Variants in ALK observed in about 807,000 individuals in gnomAD.
ALK encodes the protein ALK tyrosine kinase receptor.
Under a neutral mutation model 163.1 loss-of-function variants are expected in ALK, and 74 were observed. The ratio of observed to expected loss-of-function variants is 0.45; its 90% CI spans 0.38 to 0.55. ALK has a LOEUF of 0.55. Among genes scored for constraint, ALK ranks in the 20% least tolerant of loss-of-function variants. ALK has a pLI of 0.00. For missense variants in ALK, 2,063 were observed against 2,105.3 expected (o/e 0.98, Z 0.39); for synonymous variants, 960 against 843.2 (o/e 1.14, Z -2.40).
At chr2:29,251,551 C>T (rs930531696) in intron 11 of ALK, among the ~76,000 whole-genome samples, 2 of 152,164 alleles carry the variant, frequency 1.3e-5, no homozygotes, top group Non-Finnish European at 1.5e-5. Flanking sequence ...AAAGGGAGGC[C>T]AGGACAGCAA....
intron 1 of ALK, among the ~76,000 whole-genome samples, chr2:29,899,114 C>T (rs918386653): frequency 7.9e-5 from 12 of 152,156 alleles, no homozygotes; most frequent in African/African-American, 2.7e-4. Flanking sequence ...GCCCTACCCC[C>T]GACCTACTGA....
chr2:29,399,565 G>C (rs576208927), intron 4 of ALK, among the ~76,000 whole-genome samples: 1 of 152,216 alleles, frequency 6.6e-6, no homozygotes, highest in African/African-American at 2.4e-5. Context: ...GCTTGGGCTT[G>C]GGATTGGGAT....
At chr2:29,383,374 C>T (rs10865510) in intron 5 of ALK, among the ~76,000 whole-genome samples, 24,307 of 151,536 alleles carry the variant, frequency 0.16, 2,133 homozygotes, top group East Asian at 0.31. Context: ...TGGAGTGCAA[C>T]GGCACAATCT....
intron 15 of ALK, 69 bp from the exon 16 acceptor site, chr2:29,229,135 A>AGCAGGAT (rs1664113284): frequency 6.7e-7 from 1 of 1,497,220 alleles, no homozygotes; most frequent in Non-Finnish European, 9.3e-7. Flanking sequence ...TGGCCAGAGA[A>AGCAGGAT]GCAGGATGCA....
chr2:29,792,516 A>G (rs1053860957), intron 1 of ALK, among the ~76,000 whole-genome samples: 16 of 152,168 alleles, frequency 1.1e-4, no homozygotes, highest in South Asian at 2.1e-4. Context: ...ACAAAACTCA[A>G]TGGAAACACA....
intron 12 of ALK, among the ~76,000 whole-genome samples, chr2:29,244,450 A>G (rs539368753): frequency 1.3e-5 from 2 of 152,200 alleles, no homozygotes; most frequent in Admixed American, 6.5e-5. Context: ...CCAATTGTGG[A>G]GGCAGGTGCT....
chr2:29,773,838 G>C (rs1004925123), intron 1 of ALK, among the ~76,000 whole-genome samples: 3 of 152,186 alleles, frequency 2.0e-5, no homozygotes, highest in African/African-American at 7.2e-5. Context: ...ACAAGGAGAA[G>C]GAAGAGGATC....
chr2:29,272,720 T>C (rs888225729), intron 11 of ALK, among the ~76,000 whole-genome samples: 4 of 152,344 alleles, frequency 2.6e-5, no homozygotes, highest in African/African-American at 7.2e-5. Context: ...TCTCCTCGAT[T>C]GTTTGTCAGA....
chr2:29,309,201 C>G (rs1573214634), intron 8 of ALK, among the ~76,000 whole-genome samples: 1 of 152,260 alleles, frequency 6.6e-6, no homozygotes, highest in Admixed American at 6.5e-5. Flanking sequence ...GGCCCAGAGC[C>G]CTCTGGGGAG....
intron 4 of ALK, among the ~76,000 whole-genome samples, chr2:29,503,199 A>T (rs1573408156): frequency 6.6e-6 from 1 of 152,342 alleles, no homozygotes; most frequent in South Asian, 2.1e-4. Flanking sequence ...GACTTATGAG[A>T]TAGATAGGTA....
chr2:29,835,866 C>T (rs958465450), intron 1 of ALK, among the ~76,000 whole-genome samples: 1 of 152,190 alleles, frequency 6.6e-6, no homozygotes, highest in African/African-American at 2.4e-5. Context: ...GCCTCCCCAG[C>T]CATGCGGAAC....
chr2:29,882,896 T>G (rs1049783713), intron 1 of ALK, among the ~76,000 whole-genome samples: 1 of 152,224 alleles, frequency 6.6e-6, no homozygotes. Context: ...TATCTGAAGT[T>G]CAAACTTAAC....
At chr2:29,450,484 T>TG (rs1224126841) in intron 4 of ALK, among the ~76,000 whole-genome samples, 2 of 151,880 alleles carry the variant, frequency 1.3e-5, no homozygotes, top group African/African-American at 4.8e-5. Context: ...TTTGGTTGTG[T>TG]GGGGCAGACA....
At chr2:29,667,337 A>G (rs960503203) in intron 3 of ALK, among the ~76,000 whole-genome samples, 2 of 151,854 alleles carry the variant, frequency 1.3e-5, no homozygotes, top group African/African-American at 4.8e-5. Flanking sequence ...TCTGGCCAGG[A>G]CCTCCAGTGT....
chr2:29,208,076 GTCTC>G (rs3832036), intron 25 of ALK: 1 of 453,762 alleles, frequency 2.2e-6, no homozygotes. Context: ...AAATAGGTCA[GTCTC>G]TCTCTCCCAA....
At chr2:29,523,338 C>A (rs1462096578) in intron 4 of ALK, among the ~76,000 whole-genome samples, 1 of 152,152 alleles carries the variant, frequency 6.6e-6, no homozygotes, top group Non-Finnish European at 1.5e-5. Flanking sequence ...ATGCACAGCA[C>A]CCATTACACC....
intron 4 of ALK, among the ~76,000 whole-genome samples, chr2:29,432,441 G>T (rs1253516213): frequency 6.6e-6 from 1 of 152,132 alleles, no homozygotes; most frequent in African/African-American, 2.4e-5. Flanking sequence ...ACAGATGCTG[G>T]TTCCATGTTC....
intron 1 of ALK, among the ~76,000 whole-genome samples, chr2:29,911,136 C>T (rs79589958): frequency 0.02 from 3,073 of 152,294 alleles, 100 homozygotes; most frequent in African/African-American, 0.071. Flanking sequence ...TGCAGGCACC[C>T]AGAAAATCTG....
At chr2:29,907,541 C>T (rs1667584359) in intron 1 of ALK, among the ~76,000 whole-genome samples, 1 of 152,214 alleles carries the variant, frequency 6.6e-6, no homozygotes, top group African/African-American at 2.4e-5. Context: ...GCTTCTATAA[C>T]ACCACATGAT....
Sources: allele counts gnomAD v4.1 joint callset (sites outside exome capture counted in the v4.1 genomes callset), GRCh38; gene constraint gnomAD v4.1.1; transcripts MANE v1.5; gene names NCBI Gene and HGNC (gene_info 2026-07-23, HGNC 2026-07-21).